Variants in TENM4 observed in about 807,000 individuals in gnomAD.
TENM4 encodes teneurin transmembrane protein 4, also known as teneurin-4.
In TENM4, 82 loss-of-function variants were observed where a neutral mutation model predicts 243.3. The ratio of observed to expected loss-of-function variants is 0.34; its 90% confidence interval spans 0.28 to 0.40. TENM4 has a LOEUF of 0.40. Ranked by LOEUF, TENM4 falls within the 10% of genes least tolerant of loss-of-function variation. TENM4 has a pLI of 1.00. For missense variants in TENM4, 3,138 were observed against 3,673.3 expected (o/e 0.85, Z 3.77); for synonymous variants, 1,412 against 1,456.3 (o/e 0.97, Z 0.69).
intron 1 of TENM4, among the ~76,000 whole-genome samples, chr11:79,367,517 C>T (rs1268787233): frequency 3.9e-5 from 6 of 152,150 alleles, no homozygotes; most frequent in Non-Finnish European, 7.3e-5. Flanking sequence ...CTCTGATGCA[C>T]ATATGTTATT....
chr11:79,434,499 G>A (rs1486810555), intron 1 of TENM4, among the ~76,000 whole-genome samples: 4 of 152,128 alleles, frequency 2.6e-5, no homozygotes, highest in Admixed American at 6.5e-5. Context: ...CACCTACAAC[G>A]CTGAGGAACA....
chr11:79,221,347 A>AT (rs11424753), intron 2 of TENM4, among the ~76,000 whole-genome samples: 113,788 of 151,444 alleles, frequency 0.75, 44,936 homozygotes, highest in Non-Finnish European at 0.87. Flanking sequence ...TAGAATATGG[A>AT]TTTTTTTTAA....
At chr11:79,229,329 A>G (rs1864333282) in intron 2 of TENM4, among the ~76,000 whole-genome samples, 1 of 152,198 alleles carries the variant, frequency 6.6e-6, no homozygotes, top group South Asian at 2.1e-4. Flanking sequence ...GTCTATCCAC[A>G]ACCTACTTCT....
At chr11:78,974,984 C>T (rs1037108645) in intron 6 of TENM4, among the ~76,000 whole-genome samples, 3 of 151,982 alleles carry the variant, frequency 2.0e-5, no homozygotes, top group Non-Finnish European at 4.4e-5. Context: ...CACGCCTGGC[C>T]TGCACCTCCC....
chr11:79,296,278 T>TA (rs1251268518), intron 2 of TENM4, among the ~76,000 whole-genome samples: 3 of 152,028 alleles, frequency 2.0e-5, no homozygotes, highest in Non-Finnish European at 4.4e-5. Context: ...TAAGCTTTGG[T>TA]AAAAAAGCAG....
At chr11:79,138,329 A>T (rs914160555) in intron 4 of TENM4, among the ~76,000 whole-genome samples, 8 of 106,428 alleles carry the variant, frequency 7.5e-5, no homozygotes, top group African/African-American at 3.3e-4. Context: ...ATATATATAT[A>T]TTATATATAT....
chr11:78,777,389 T>C (rs966861539), intron 17 of TENM4, among the ~76,000 whole-genome samples: 6 of 152,190 alleles, frequency 3.9e-5, no homozygotes, highest in Non-Finnish European at 5.9e-5. Context: ...CCAAAACCCT[T>C]TCCATAAGTT....
chr11:79,024,671 AC>A (rs985667619), intron 6 of TENM4, among the ~76,000 whole-genome samples: 3 of 152,128 alleles, frequency 2.0e-5, no homozygotes, highest in Non-Finnish European at 4.4e-5. Flanking sequence ...ACTCTAGCAT[AC>A]CCCTGGGCAT....
chr11:78,910,611 T>A (rs989407472), intron 6 of TENM4, among the ~76,000 whole-genome samples: 1 of 152,234 alleles, frequency 6.6e-6, no homozygotes, highest in Non-Finnish European at 1.5e-5. Context: ...ACTTGTCAAA[T>A]GTGTATGAAA....
intron 20 of TENM4, among the ~76,000 whole-genome samples, chr11:78,734,061 G>A (rs988553748): frequency 6.6e-6 from 1 of 152,068 alleles, no homozygotes; most frequent in Non-Finnish European, 1.5e-5. Flanking sequence ...AAGTGATGGT[G>A]GGTGCCTGTC....
At chr11:79,139,731 A>G (rs1862235210) in intron 4 of TENM4, among the ~76,000 whole-genome samples, 1 of 85,082 alleles carries the variant, frequency 1.2e-5, no homozygotes, top group South Asian at 3.1e-4. Flanking sequence ...AATATATATT[A>G]TATTTATATA....
chr11:78,757,575 C>T (rs550276816), intron 18 of TENM4, among the ~76,000 whole-genome samples: 45 of 152,330 alleles, frequency 3.0e-4, no homozygotes, highest in South Asian at 1.5e-3. Context: ...AAGAGGGCAT[C>T]GCTGAGGTTG....
rs952070859 is a variant in TENM4, at chr11:79,317,477, G to C, written c.-320-19934C>G. Among the ~76,000 whole-genome samples, 6 of 152,258 alleles carry C rather than the reference G, an allele frequency of 3.9e-5. No homozygotes were observed. The East Asian group carries it at 1.2e-3, about 29-fold the overall frequency. On this transcript the variant is annotated intron_variant, in intron 1 of 33. Coordinates refer to ENST00000278550, the MANE Select transcript of TENM4 (RefSeq NM_001098816.3). ...CCCTAAGTTAGTTGTCATGATGCTT[G>C]ATATGATGAGCAGAGTGGCTGCCTC...
At chr11:79,421,367 A>G (rs1565339564) in intron 1 of TENM4, among the ~76,000 whole-genome samples, 3 of 152,250 alleles carry the variant, frequency 2.0e-5, no homozygotes, top group Admixed American at 6.5e-5. Flanking sequence ...TGTGTCAAAT[A>G]TTACTTTATT....
At position 78,863,110 on chromosome 11, in the gene TENM4, G is replaced by C. The variant is rs1420514404; in HGVS notation, c.1107C>G (p.Asn369Lys). The change falls in exon 10 of 34, where the codon AAC (asparagine) becomes AAG (lysine). Residue 369 changes from asparagine to lysine, a missense_variant. By Grantham distance (94) the Asn-to-Lys change is moderately conservative. This residue lies in a region of TENM4 where 671 missense variants were observed against 614.1 expected (regional missense o/e 1.09). Coordinates refer to ENST00000278550, the MANE Select transcript of TENM4 (RefSeq NM_001098816.3). ...GCCCCTCCATCGGCTGCAGGTGCCAGTTTAGGCCAAACAGGTGCATGGCTG... is the reference window on the plus strand; with the variant it reads ...GCCCCTCCATCGGCTGCAGGTGCCACTTTAGGCCAAACAGGTGCATGGCTG... ...YFVAMHLFGL[N>K]WHLQPMEGQM... 1.3e-6 allele frequency: 2 copies of C among 1,525,050 alleles called. No individual in the cohort carries two copies. The highest frequency in any genetic ancestry group is 1.4e-5 in the African/African-American group (1 of 72,766). The allele number at this position is 1,525,050 out of a possible 1,614,324, so 94.5% of individuals were successfully genotyped here.
chr11:79,431,586 TG>T (rs1341870569), intron 1 of TENM4, among the ~76,000 whole-genome samples: 1 of 152,218 alleles, frequency 6.6e-6, no homozygotes, highest in African/African-American at 2.4e-5. Context: ...GGAGAGTACC[TG>T]TCTCCCAGCA....
At chr11:78,991,343 G>A (rs1428353916) in intron 6 of TENM4, among the ~76,000 whole-genome samples, 1 of 152,132 alleles carries the variant, frequency 6.6e-6, no homozygotes, top group Non-Finnish European at 1.5e-5. Context: ...TTGTTGATAG[G>A]AAGGAAACAT....
intron 7 of TENM4, among the ~76,000 whole-genome samples, chr11:78,901,746 T>C (rs1234753537): frequency 1.3e-5 from 2 of 152,086 alleles, no homozygotes; most frequent in East Asian, 3.9e-4. Flanking sequence ...TGACACACAA[T>C]TATCCTACTC....
chr11:78,699,614 C>T, intron 28 of TENM4, among the ~76,000 whole-genome samples: 1 of 152,220 alleles, frequency 6.6e-6, no homozygotes, highest in East Asian at 1.9e-4. Context: ...CTATGAAGTG[C>T]AGTCTTTGGA....
Sources: gnomAD v4.1 joint callset for allele counts (sites outside exome capture counted in the v4.1 genomes callset) on GRCh38, gnomAD v4.1.1 for gene constraint, gnomAD v4.1.1 regional missense constraint, MANE v1.5 for transcripts, NCBI Gene and HGNC (gene_info 2026-07-23, HGNC 2026-07-21) for gene names.